ITGA4: variants seen among roughly 807,000 people sequenced by gnomAD.
The protein encoded by ITGA4 is integrin alpha-4.
ITGA4 carries 63 observed loss-of-function variants against 133.6 expected under a neutral mutation model. The observed-to-expected ratio is 0.47, with a 90% CI of 0.38 to 0.58. The LOEUF is 0.58. Among genes scored for constraint, ITGA4 ranks in the 20% least tolerant of loss-of-function variants. The probability of loss-of-function intolerance (pLI) is 0.00; values close to 1 mark genes in which losing one functional copy is unlikely to be tolerated. For synonymous variants in ITGA4, 483 were observed against 438.0 expected (o/e 1.10, Z -1.28); for missense variants, 1,076 against 1,252.7 (o/e 0.86, Z 2.13).
At chr2:181,520,388 G>A (rs936007872) in intron 17 of ITGA4, among the ~76,000 whole-genome samples, 4 of 151,884 alleles carry the variant, frequency 2.6e-5, no homozygotes, top group African/African-American at 4.8e-5. Context: ...GTGAAGCAGG[G>A]GCCAACTCTG....
At chr2:181,499,890 T>C (rs895788735) in intron 15 of ITGA4, among the ~76,000 whole-genome samples, 8 of 152,190 alleles carry the variant, frequency 5.3e-5, no homozygotes, top group Non-Finnish European at 1.0e-4. Context: ...AAGAAATACA[T>C]TGTGTTAAAT....
chr2:181,457,512 CCT>C lies in ITGA4; in HGVS notation c.-137_-136del, dbSNP rs1224756951. The C allele has an allele frequency of 2.7e-5, 21 of 767,412 alleles. No homozygotes were observed. Among genetic ancestry groups the C allele is most frequent in the Non-Finnish European group, 1.4e-5 (7 of 493,806 alleles). The allele number at this position is 767,412 out of a possible 1,614,324, so 47.5% of individuals were successfully genotyped here. ...GGTGGGCCGACTTCCCCTCCTCTTC[CCT>C]CTCTCCTTCCTTTAGCCCGCTGGCG... On this transcript the variant is annotated 5_prime_UTR_variant, in exon 1 of 28. Coordinates refer to ENST00000397033, the MANE Select transcript of ITGA4 (RefSeq NM_000885.6).
intron 14 of ITGA4, among the ~76,000 whole-genome samples, chr2:181,497,641 AAGT>A (rs1455223809): frequency 2.0e-5 from 3 of 152,162 alleles, no homozygotes; most frequent in Admixed American, 6.5e-5. Context: ...TCCTTGAAAA[AAGT>A]AGGTAAAATT....
chr2:181,477,293 A>C (rs1329812487), intron 4 of ITGA4, among the ~76,000 whole-genome samples: 2 of 152,168 alleles, frequency 1.3e-5, no homozygotes, highest in African/African-American at 4.8e-5. Context: ...AAGCTACTTG[A>C]CATTAGTCTA....
At chr2:181,514,754 C>T (rs187503567) in intron 17 of ITGA4, among the ~76,000 whole-genome samples, 1 of 152,074 alleles carries the variant, frequency 6.6e-6, no homozygotes, top group East Asian at 1.9e-4. Flanking sequence ...GTCTCTCTGG[C>T]CTATGAGAAA....
At position 181,536,472 on chromosome 2, in the gene ITGA4, A is replaced by G. The variant is rs1687092600; in HGVS notation, c.*945A>G. ...GCAAAGACTAGGGGGCCTATACTTC[A>G]TATGTATTATGTACTATGTAAAATA... is the stretch of plus-strand genomic sequence containing the variant. On this transcript the variant is annotated 3_prime_UTR_variant, in exon 28 of 28. Transcript: ENST00000397033. 6.6e-6 allele frequency among the ~76,000 whole-genome samples: 1 copy of G among 152,102 alleles called. No individual in the cohort carries two copies. Among genetic ancestry groups the G allele is most frequent in the Non-Finnish European group, 1.5e-5 (1 of 68,000 alleles).
intron 2 of ITGA4, among the ~76,000 whole-genome samples, chr2:181,464,939 T>G (rs1045238908): frequency 6.6e-6 from 1 of 152,170 alleles, no homozygotes; most frequent in Non-Finnish European, 1.5e-5. Flanking sequence ...TGAGAATTTT[T>G]AAAAATCATA....
chr2:181,508,070 T>A (rs185346217), intron 15 of ITGA4, among the ~76,000 whole-genome samples: 1 of 152,238 alleles, frequency 6.6e-6, no homozygotes, highest in African/African-American at 2.4e-5. Flanking sequence ...AAATCATTTG[T>A]AAGTTGATAG....
intron 9 of ITGA4, among the ~76,000 whole-genome samples, chr2:181,483,143 A>G (rs1353025357): frequency 6.6e-6 from 1 of 152,206 alleles, no homozygotes; most frequent in East Asian, 1.9e-4. Flanking sequence ...TAATTCATAT[A>G]TATTATGCTC....
At chr2:181,511,996 C>T (rs901718160) in intron 17 of ITGA4, among the ~76,000 whole-genome samples, 7 of 152,036 alleles carry the variant, frequency 4.6e-5, no homozygotes, top group Admixed American at 3.3e-4. Flanking sequence ...AAGGAATAAA[C>T]TATCTTGCTC....
At chr2:181,502,582 G>T (rs1445523963) in intron 15 of ITGA4, among the ~76,000 whole-genome samples, 1 of 152,100 alleles carries the variant, frequency 6.6e-6, no homozygotes, top group Non-Finnish European at 1.5e-5. Context: ...GGTAGATGTG[G>T]TGATGGGGAC....
Position 181,511,795 on chromosome 2 carries a change from A to T in ITGA4, c.1922+20A>T. ...TTTGAAGTAAGTATATGTGGTATATAGTCTCTGTTATTCATCGAGAGGGTG... is the reference window on the plus strand; with the variant it reads ...TTTGAAGTAAGTATATGTGGTATATTGTCTCTGTTATTCATCGAGAGGGTG... On this transcript the variant is annotated intron_variant, in intron 17 of 27. Transcript: ENST00000397033. The T allele has an allele frequency of 8.3e-7, 1 of 1,208,464 alleles. No individual in the cohort carries two copies. Among genetic ancestry groups the T allele is most frequent in the Non-Finnish European group, 1.2e-6 (1 of 817,030 alleles). The allele number at this position is 1,208,464 out of a possible 1,614,324, so 74.9% of individuals were successfully genotyped here. A position where few individuals can be genotyped will look rare whatever the true frequency, so the allele number is the denominator to read the frequency against.
At chr2:181,501,952 G>A (rs1470397631) in intron 15 of ITGA4, among the ~76,000 whole-genome samples, 1 of 152,034 alleles carries the variant, frequency 6.6e-6, no homozygotes, top group Non-Finnish European at 1.5e-5. Context: ...TATTAAGATG[G>A]CTGAGATCAG....
chr2:181,461,541 C>T (rs1185213722), intron 2 of ITGA4, among the ~76,000 whole-genome samples: 1 of 151,978 alleles, frequency 6.6e-6, no homozygotes, highest in African/African-American at 2.4e-5. Flanking sequence ...AAACTTTAAT[C>T]ACAGCTGGTT....
Position 181,495,774 on chromosome 2 carries a change from C to A in ITGA4, c.1386-9C>A. The A allele has an allele frequency of 1.2e-6, 2 of 1,602,944 alleles. No individual in the cohort carries two copies. Among genetic ancestry groups the A allele is most frequent in the Non-Finnish European group, 8.5e-7 (1 of 1,176,220 alleles). On this transcript the variant is annotated splice_polypyrimidine_tract_variant and intron_variant, in intron 13 of 27. Transcript: ENST00000397033. This position sits in a 1 kb window ranked among gnomAD's most constrained non-coding sequence, Gnocchi z 4.3. ...GCAATTAACATTGCTACTTTTATTT[C>A]CTTCTCAGGACAAGACCTGTAGTAA...
chr2:181,469,985 A>T (rs1685507923), intron 2 of ITGA4, among the ~76,000 whole-genome samples: 1 of 152,116 alleles, frequency 6.6e-6, no homozygotes, highest in African/African-American at 2.4e-5. Context: ...TAATGGGTAC[A>T]GGACACCAAC....
chr2:181,488,264 G>A (rs1365559258), intron 10 of ITGA4, among the ~76,000 whole-genome samples: 2 of 152,144 alleles, frequency 1.3e-5, no homozygotes, highest in African/African-American at 2.4e-5. Context: ...CTTAGGAAGA[G>A]GACTTCGGAG....
intron 17 of ITGA4, among the ~76,000 whole-genome samples, chr2:181,513,695 T>C (rs1686550533): frequency 6.6e-6 from 1 of 152,100 alleles, no homozygotes; most frequent in South Asian, 2.1e-4. Flanking sequence ...CCCCAGGAAG[T>C]TTTTCATCAA....
chr2:181,525,022 G>C (rs1686804568), intron 20 of ITGA4, among the ~76,000 whole-genome samples, 180 bp from the exon 21 acceptor site: 1 of 151,532 alleles, frequency 6.6e-6, no homozygotes, highest in East Asian at 1.9e-4. Context: ...AATAATGAGA[G>C]AAATTTTCTG....
Sources: gnomAD v4.1 joint callset for allele counts (sites outside exome capture counted in the v4.1 genomes callset) on GRCh38, gnomAD v4.1.1 for gene constraint, Gnocchi (gnomAD v3.1) non-coding constraint, MANE v1.5 for transcripts, NCBI Gene and HGNC (gene_info 2026-07-23, HGNC 2026-07-21) for gene names.